Variants in NME7 observed in about 807,000 individuals in gnomAD.
NME7 encodes the protein nucleoside diphosphate kinase 7.
Under a neutral mutation model 49.1 loss-of-function variants are expected in NME7, and 41 were observed. That is an observed-to-expected ratio of 0.83 (90% CI 0.65 to 1.08). NME7 has a LOEUF of 1.08. Ranked by LOEUF, NME7 falls within the 50% of genes least tolerant of loss-of-function variation. The pLI is 0.00. For synonymous variants in NME7, 139 were observed against 150.6 expected (o/e 0.92, Z 0.56); for missense variants, 423 against 463.4 (o/e 0.91, Z 0.80).
chr1:169,133,502 T>C (rs1199583436), intron 11 of NME7, among the ~76,000 whole-genome samples: 2 of 152,220 alleles, frequency 1.3e-5, no homozygotes, highest in African/African-American at 4.8e-5. Flanking sequence ...AGCTTCAGTT[T>C]CCACCTACTG....
At chr1:169,348,135 GTACCTT>G (rs1653010784) in intron 1 of NME7, among the ~76,000 whole-genome samples, 1 of 152,146 alleles carries the variant, frequency 6.6e-6, no homozygotes, top group African/African-American at 2.4e-5. Context: ...AACCACTAAT[GTACCTT>G]TATAAAAGTG....
chr1:169,156,217 G>A (rs1659065823), intron 11 of NME7, among the ~76,000 whole-genome samples: 1 of 151,638 alleles, frequency 6.6e-6, no homozygotes, highest in African/African-American at 2.4e-5. Context: ...GGAGGCTGAG[G>A]AGGGATCACT....
At chr1:169,134,545 T>G (rs1658365760) in intron 11 of NME7, among the ~76,000 whole-genome samples, 1 of 152,148 alleles carries the variant, frequency 6.6e-6, no homozygotes, top group Non-Finnish European at 1.5e-5. Flanking sequence ...TTTCAACCCT[T>G]CATATTCTCG....
intron 11 of NME7, among the ~76,000 whole-genome samples, chr1:169,158,472 C>T (rs1159460249): frequency 6.6e-6 from 1 of 151,828 alleles, no homozygotes; most frequent in South Asian, 2.1e-4. Context: ...TATTTTTGGG[C>T]CATGGTTGAC....
intron 11 of NME7, among the ~76,000 whole-genome samples, chr1:169,138,551 A>C (rs1658498593): frequency 6.6e-6 from 1 of 151,898 alleles, no homozygotes; most frequent in Non-Finnish European, 1.5e-5. Flanking sequence ...CTCTACAAAA[A>C]AATTAACAAC....
intron 10 of NME7, among the ~76,000 whole-genome samples, chr1:169,201,109 T>C (rs1315863819): frequency 2.6e-5 from 4 of 152,050 alleles, no homozygotes; most frequent in African/African-American, 7.2e-5. Flanking sequence ...CACGCACTTG[T>C]AGTCCCAGCT....
At chr1:169,297,532 G>T (rs1019712182) in intron 6 of NME7, among the ~76,000 whole-genome samples, 1 of 152,052 alleles carries the variant, frequency 6.6e-6, no homozygotes, top group Admixed American at 6.6e-5. Flanking sequence ...ACAGAAATAT[G>T]CTATTCAAGG....
At chr1:169,216,871 T>C (rs1219120831) in intron 10 of NME7, among the ~76,000 whole-genome samples, 1 of 152,248 alleles carries the variant, frequency 6.6e-6, no homozygotes, top group Non-Finnish European at 1.5e-5. Flanking sequence ...CAGAGGTCTT[T>C]TCTGTTGACT....
intron 11 of NME7, among the ~76,000 whole-genome samples, chr1:169,166,812 A>T (rs1174481685): frequency 1.3e-5 from 2 of 152,146 alleles, no homozygotes; most frequent in Admixed American, 6.5e-5. Flanking sequence ...CTCTACTAGA[A>T]ATACAAAAAA....
chr1:169,136,750 G>T (rs1658445595), intron 11 of NME7, among the ~76,000 whole-genome samples: 1 of 152,130 alleles, frequency 6.6e-6, no homozygotes, highest in Non-Finnish European at 1.5e-5. Flanking sequence ...AAGAACAATA[G>T]CTTACATTTA....
intron 7 of NME7, among the ~76,000 whole-genome samples, chr1:169,265,280 C>T (rs1649285147): frequency 7.5e-6 from 1 of 132,988 alleles, no homozygotes; most frequent in Non-Finnish European, 1.8e-5. Context: ...AAATCATAAC[C>T]AACCATACTC....
At chr1:169,228,474 G>A (rs1264126835) in intron 10 of NME7, among the ~76,000 whole-genome samples, 2 of 151,452 alleles carry the variant, frequency 1.3e-5, no homozygotes, top group Admixed American at 6.6e-5. Context: ...TCAGGAGATC[G>A]AGACCATCCT....
intron 5 of NME7, among the ~76,000 whole-genome samples, chr1:169,302,664 C>T (rs1591734): frequency 0.13 from 20,146 of 152,018 alleles, 1,519 homozygotes; most frequent in Admixed American, 0.24. Flanking sequence ...TTGGGTATTA[C>T]GCTCAGTACC....
chr1:169,336,176 C>T (rs886352729), intron 1 of NME7, among the ~76,000 whole-genome samples: 1 of 151,954 alleles, frequency 6.6e-6, no homozygotes, highest in Non-Finnish European at 1.5e-5. Flanking sequence ...GTTGTTCGTT[C>T]CTCCCGGTGG....
At chr1:169,287,562 C>T (rs1334796801) in intron 6 of NME7, among the ~76,000 whole-genome samples, 154 bp from the exon 7 acceptor site, 1 of 152,014 alleles carries the variant, frequency 6.6e-6, no homozygotes, top group East Asian at 1.9e-4. Context: ...TTTACAAAGA[C>T]ACACTGATTA....
At chr1:169,260,020 G>A (rs1012988846) in intron 7 of NME7, among the ~76,000 whole-genome samples, 3 of 133,368 alleles carry the variant, frequency 2.2e-5, no homozygotes, top group African/African-American at 7.6e-5. Flanking sequence ...AAATAACTGG[G>A]ATGAGTAACT....
chr1:169,180,071 T>C (rs1659882361), intron 10 of NME7, among the ~76,000 whole-genome samples: 1 of 152,100 alleles, frequency 6.6e-6, no homozygotes, highest in Non-Finnish European at 1.5e-5. Context: ...ACATAGAGAT[T>C]TTATAAAATT....
chr1:169,210,539 C>T (rs969987428), intron 10 of NME7, among the ~76,000 whole-genome samples: 4 of 151,962 alleles, frequency 2.6e-5, no homozygotes, highest in Admixed American at 6.6e-5. Flanking sequence ...TTTAGATAGT[C>T]CTTCTGTGGT....
chr1:169,298,842 A>G (rs1460677559), intron 5 of NME7, 79 bp from the exon 6 acceptor site: 16 of 1,099,372 alleles, frequency 1.5e-5, no homozygotes. Flanking sequence ...ATATATTTAA[A>G]TTGGATTATT....
Sources: allele counts gnomAD v4.1 joint callset (sites outside exome capture counted in the v4.1 genomes callset), GRCh38; gene constraint gnomAD v4.1.1; transcripts MANE v1.5; gene names NCBI Gene and HGNC (gene_info 2026-07-23, HGNC 2026-07-21).